The following ANO4 variants were observed in gnomAD, a reference collection of about 807,000 sequenced individuals.
ANO4 encodes the protein anoctamin 4.
ANO4 carries 69 observed loss-of-function variants against 141.9 expected under a neutral mutation model. The observed-to-expected ratio is 0.49, with a 90% CI of 0.40 to 0.59. The LOEUF (loss-of-function observed/expected upper bound fraction) is 0.59, where lower values mean the gene tolerates loss of function less well. Among genes scored for constraint, ANO4 ranks in the 20% least tolerant of loss-of-function variants. ANO4 has a pLI of 0.00. For missense variants in ANO4, 894 were observed against 1,162.2 expected, an observed-to-expected ratio of 0.77 and a Z score of 3.36; for synonymous variants, 350 against 394.3, an observed-to-expected ratio of 0.89 and a Z score of 1.33.
At chr12:100,898,123 G>C (rs1211085290) in intron 1 of ANO4, among the ~76,000 whole-genome samples, 2 of 152,192 alleles carry the variant, frequency 1.3e-5, no homozygotes, top group Non-Finnish European at 2.9e-5. Context: ...CCAATTCTCA[G>C]GCTCTTATGG....
At chr12:100,963,358 G>A (rs1177070208) in intron 5 of ANO4, among the ~76,000 whole-genome samples, 1 of 152,296 alleles carries the variant, frequency 6.6e-6, no homozygotes, top group Admixed American at 6.5e-5. Flanking sequence ...GGGGGAGGGA[G>A]TGGCAATTTC....
At chr12:100,831,341 TCAGTTTTCCTATAGA>T (rs1387689178) in intron 1 of ANO4, among the ~76,000 whole-genome samples, 1 of 152,150 alleles carries the variant, frequency 6.6e-6, no homozygotes, top group Non-Finnish European at 1.5e-5. Context: ...GTTTTCTCCA[TCAGTTTTCCTATAGA>T]CATTTGCTAC....
intron 11 of ANO4, among the ~76,000 whole-genome samples, chr12:101,041,070 G>A (rs1235223284): frequency 6.6e-6 from 1 of 152,008 alleles, no homozygotes; most frequent in Non-Finnish European, 1.5e-5. Context: ...TTTATTTAGA[G>A]GCTGGTTATT....
chr12:100,784,899 T>C (rs145739646), intron 3 of ANO4, among the ~76,000 whole-genome samples: 1,866 of 150,876 alleles, frequency 0.012, 37 homozygotes, highest in African/African-American at 0.043. Context: ...TGACTTTGTT[T>C]TATGTGGGGT....
At chr12:101,076,176 G>A (rs895022806) in intron 14 of ANO4, among the ~76,000 whole-genome samples, 11 of 152,104 alleles carry the variant, frequency 7.2e-5, no homozygotes, top group Admixed American at 7.2e-4. Flanking sequence ...ATTCTTTAAG[G>A]TGAAGGTATT....
At chr12:100,810,461 T>C (rs916999856) in intron 1 of ANO4, among the ~76,000 whole-genome samples, 1 of 152,100 alleles carries the variant, frequency 6.6e-6, no homozygotes, top group African/African-American at 2.4e-5. Context: ...CATACGGCAG[T>C]AGCATGATTT....
chr12:100,807,818 T>C (rs1565892664), intron 1 of ANO4, among the ~76,000 whole-genome samples: 2 of 152,196 alleles, frequency 1.3e-5, no homozygotes, highest in Non-Finnish European at 2.9e-5. Context: ...TGGTTTTCTG[T>C]TCCTGCATTA....
intron 14 of ANO4, among the ~76,000 whole-genome samples, chr12:101,059,726 A>G (rs902570569): frequency 7.2e-5 from 11 of 152,080 alleles, no homozygotes; most frequent in Admixed American, 1.3e-4. Flanking sequence ...CAGTGGTTAT[A>G]TCCCCTTTAT....
rs550764978 is a variant in ANO4, at chr12:100,739,061, C to T, written c.107-793C>T. On this transcript the variant is annotated intron_variant, in intron 2 of 29. Coordinates refer to the ANO4 transcript ENST00000644049. ...TAAATCTTTATATATATATCTAAAT[C>T]TTTATATATATCTAAATCTTTATGT... 3.4e-3 allele frequency among the ~76,000 whole-genome samples: 494 copies of T among 145,428 alleles called. 1 individual carries two copies. The highest frequency in any genetic ancestry group is 5.7e-3 in the Non-Finnish European group (378 of 66,530).
chr12:100,727,738 AC>A (rs1349067342), intron 1 of ANO4, among the ~76,000 whole-genome samples: 1 of 151,564 alleles, frequency 6.6e-6, no homozygotes, highest in Non-Finnish European at 1.5e-5. Flanking sequence ...TTTTCCTATG[AC>A]TTTCCCCCTC....
intron 3 of ANO4, among the ~76,000 whole-genome samples, chr12:100,923,601 G>T (rs140585752): frequency 0.015 from 2,331 of 152,242 alleles, 20 homozygotes; most frequent in Middle Eastern, 0.031. Flanking sequence ...AAACATACGT[G>T]TGCATGTGTC....
chr12:101,046,987 C>T (rs942252851), intron 13 of ANO4, among the ~76,000 whole-genome samples: 4 of 152,212 alleles, frequency 2.6e-5, no homozygotes, highest in South Asian at 2.1e-4. Context: ...CGGTGGCTCA[C>T]GCCTGTAATC....
rs148922815 is a variant in ANO4 at position 101,068,965 on chromosome 12, C to T, written c.1313-10228C>T. Reference sequence around the variant, plus strand: ...TCTCTTACACAGATGCACCAAAGCCCTCATTGACTATGAAAAATCAAACAA... The same window carrying T: ...TCTCTTACACAGATGCACCAAAGCCTTCATTGACTATGAAAAATCAAACAA... On this transcript the variant is annotated intron_variant, in intron 14 of 27. Transcript: ENST00000392977. The T allele has an allele frequency of 2.4e-3, 1,878 of 783,420 alleles. 4 individuals are homozygous for T. The highest frequency in any genetic ancestry group is 3.8e-3 in the Non-Finnish European group (1,623 of 427,646). 48.5% of individuals were successfully genotyped at this position (783,420 alleles called of 1,614,324 possible). A position where few individuals can be genotyped will look rare whatever the true frequency, so the allele number is the denominator to read the frequency against.
chr12:101,055,145 G>T (rs566076654), intron 14 of ANO4, among the ~76,000 whole-genome samples: 2 of 152,138 alleles, frequency 1.3e-5, no homozygotes, highest in East Asian at 3.9e-4. Flanking sequence ...CTAGTTTTTT[G>T]TTTTTGTAAA....
At chr12:100,747,617 G>A (rs2032172813) in intron 3 of ANO4, among the ~76,000 whole-genome samples, 2 of 152,248 alleles carry the variant, frequency 1.3e-5, no homozygotes, top group Non-Finnish European at 2.9e-5. Context: ...GCTCACGCCT[G>A]TAATCCCAGT....
At position 100,917,273 on chromosome 12, in the gene ANO4, G is replaced by T. The variant is rs566648362; in HGVS notation, c.56-4953G>T. On this transcript the variant is annotated intron_variant, in intron 2 of 27. Transcript: ENST00000392977. ...TAATTTATTTGTTTAGTTTCCTTAG[G>T]ATTGTACTTAATTGCATGTTAATTA... 4.3e-4 allele frequency among the ~76,000 whole-genome samples: 65 copies of T among 151,994 alleles called. 2 individuals carry two copies. The South Asian group carries it at 9.6e-3, about 22-fold the overall frequency.
At chr12:100,769,484 C>G (rs1347565534) in intron 3 of ANO4, among the ~76,000 whole-genome samples, 1 of 152,134 alleles carries the variant, frequency 6.6e-6, no homozygotes, top group Non-Finnish European at 1.5e-5. Flanking sequence ...CAGTTGTTGT[C>G]CATGGGCTTG....
chr12:100,846,091 T>A (rs988756148), intron 1 of ANO4, among the ~76,000 whole-genome samples: 6 of 152,234 alleles, frequency 3.9e-5, no homozygotes, highest in Non-Finnish European at 7.3e-5. Flanking sequence ...GACATTGATC[T>A]TGTAGTTATG....
chr12:100,739,725 T>G (rs991817271), intron 2 of ANO4: 1 of 632,700 alleles, frequency 1.6e-6, no homozygotes, highest in African/African-American at 1.8e-5. Context: ...GCCTGTTTAT[T>G]ATGAACATGC....
Sources: gnomAD v4.1 joint callset for allele counts (sites outside exome capture counted in the v4.1 genomes callset) on GRCh38, gnomAD v4.1.1 for gene constraint, MANE v1.5 for transcripts, NCBI Gene and HGNC (gene_info 2026-07-23, HGNC 2026-07-21) for gene names.